ERBB4: variants seen among roughly 807,000 people sequenced by gnomAD.
The protein encoded by ERBB4 is erb-b2 receptor tyrosine kinase 4, also known as receptor tyrosine-protein kinase erbB-4.
In ERBB4, 42 loss-of-function variants were observed where a neutral mutation model predicts 158.0. That is an observed-to-expected ratio of 0.27 (90% CI 0.21 to 0.34). The LOEUF (loss-of-function observed/expected upper bound fraction) is 0.34, where lower values mean the gene tolerates loss of function less well. Ranked by LOEUF, ERBB4 falls within the 10% of genes least tolerant of loss-of-function variation. ERBB4 has a pLI of 1.00. For synonymous variants in ERBB4, 583 were observed against 558.7 expected, an observed-to-expected ratio of 1.04 and a Z score of -0.61; for missense variants, 1,333 against 1,624.1, an observed-to-expected ratio of 0.82 and a Z score of 3.08.
chr2:212,023,485 T>C (rs2076702305), intron 2 of ERBB4, among the ~76,000 whole-genome samples: 2 of 147,442 alleles, frequency 1.4e-5, no homozygotes, highest in African/African-American at 4.9e-5. Context: ...TGTTAAGTAT[T>C]AGATTAATAA....
chr2:212,284,295 T>A (rs184984107), intron 1 of ERBB4, among the ~76,000 whole-genome samples: 1 of 152,212 alleles, frequency 6.6e-6, no homozygotes, highest in African/African-American at 2.4e-5. Context: ...TCTTTGTTGA[T>A]ACTATTTACT....
chr2:212,490,130 G>T (rs1690192420), intron 1 of ERBB4, among the ~76,000 whole-genome samples: 1 of 151,726 alleles, frequency 6.6e-6, no homozygotes, highest in Admixed American at 6.6e-5. Context: ...CTTTGTAAAG[G>T]TTTCTCTTTC....
intron 1 of ERBB4, among the ~76,000 whole-genome samples, chr2:212,366,743 A>G (rs2089904552): frequency 6.6e-6 from 1 of 151,994 alleles, no homozygotes; most frequent in Admixed American, 6.6e-5. Flanking sequence ...TCTGCTTTTA[A>G]CTCTATGGAT....
At chr2:211,706,643 G>C (rs1559440141) in intron 9 of ERBB4, among the ~76,000 whole-genome samples, 1 of 150,716 alleles carries the variant, frequency 6.6e-6, no homozygotes, top group Non-Finnish European at 1.5e-5. Flanking sequence ...GATTAAATTA[G>C]TGTTTCAAAC....
intron 2 of ERBB4, among the ~76,000 whole-genome samples, chr2:212,056,031 A>T (rs1220959152): frequency 6.6e-6 from 1 of 152,222 alleles, no homozygotes; most frequent in Admixed American, 6.5e-5. Context: ...AAACCTTGAA[A>T]AAAGATTAGA....
In ERBB4 at chr2:211,616,156, G is replaced by C. The variant is rs759235262; in HGVS notation, c.2301+3021C>G. Reference sequence around the variant, plus strand: ...CATCCTTGGCTGGAAGGATATGTAGGGGGTGAAGTGTGGCTCTTTCCCAGC... The same window carrying C: ...CATCCTTGGCTGGAAGGATATGTAGCGGGTGAAGTGTGGCTCTTTCCCAGC... On this transcript the variant is annotated intron_variant, in intron 19 of 27. Transcript: ENST00000342788. 3.6e-4 allele frequency among the ~76,000 whole-genome samples: 55 copies of C among 151,940 alleles called. 1 individual carries two copies. Among genetic ancestry groups the C allele is most frequent in the Middle Eastern group, 3.2e-3 (1 of 316 alleles).
At chr2:212,282,859 A>C (rs886415028) in intron 1 of ERBB4, among the ~76,000 whole-genome samples, 1 of 151,910 alleles carries the variant, frequency 6.6e-6, no homozygotes, top group Admixed American at 6.6e-5. Context: ...CAGAAGCAAA[A>C]TGTACCTATT....
intron 3 of ERBB4, among the ~76,000 whole-genome samples, chr2:211,788,411 T>G (rs1301522008): frequency 6.6e-6 from 1 of 152,166 alleles, no homozygotes; most frequent in African/African-American, 2.4e-5. Context: ...CTCCTAACAT[T>G]TTGGTATAAA....
intron 20 of ERBB4, among the ~76,000 whole-genome samples, chr2:211,455,413 GCTCT>G (rs1441822404): frequency 5.9e-5 from 9 of 152,164 alleles, no homozygotes; most frequent in Non-Finnish European, 1.0e-4. Flanking sequence ...GTGCTAAACA[GCTCT>G]CTGAACAGTA....
At chr2:212,081,067 C>G (rs1344845727) in intron 2 of ERBB4, among the ~76,000 whole-genome samples, 2 of 152,160 alleles carry the variant, frequency 1.3e-5, no homozygotes, top group Non-Finnish European at 2.9e-5. Flanking sequence ...AGCACAGAAG[C>G]CCTCACACAA....
At chr2:212,228,010 T>A (rs951622759) in intron 1 of ERBB4, among the ~76,000 whole-genome samples, 1 of 152,162 alleles carries the variant, frequency 6.6e-6, no homozygotes, top group Non-Finnish European at 1.5e-5. Context: ...AATGTTCAGA[T>A]CATGTTACAT....
chr2:211,400,554 T>C lies in ERBB4; in HGVS notation c.3136-12562A>G, dbSNP rs116997186. 2.2e-4 allele frequency among the ~76,000 whole-genome samples: 33 copies of C among 152,088 alleles called. 1 individual carries two copies. The East Asian group carries it at 6.2e-3, about 29-fold the overall frequency. On this transcript the variant is annotated intron_variant, in intron 25 of 27. Transcript: ENST00000342788. ...GACAAACTTTGCATGTTCTCACATATCTGTGGGAGCTAAAAATTAACACAA... is the reference window on the plus strand; with the variant it reads ...GACAAACTTTGCATGTTCTCACATACCTGTGGGAGCTAAAAATTAACACAA...
intron 19 of ERBB4, among the ~76,000 whole-genome samples, chr2:211,609,590 T>C (rs576075332): frequency 6.6e-6 from 1 of 152,198 alleles, no homozygotes; most frequent in Non-Finnish European, 1.5e-5. Flanking sequence ...TCACCCAGGC[T>C]AGAATGCTGC....
chr2:211,512,564 T>A (rs867852757), intron 20 of ERBB4, among the ~76,000 whole-genome samples: 18 of 152,124 alleles, frequency 1.2e-4, no homozygotes, highest in Middle Eastern at 3.4e-3. Flanking sequence ...AAAAAAAAAC[T>A]TTTTGGAACT....
intron 3 of ERBB4, among the ~76,000 whole-genome samples, chr2:211,928,176 A>C (rs1426343160): frequency 6.6e-6 from 1 of 152,166 alleles, no homozygotes; most frequent in East Asian, 1.9e-4. Context: ...TGATTTGTTA[A>C]CTTTCACTGA....
At chr2:212,191,032 G>A (rs1261018530) in intron 1 of ERBB4, among the ~76,000 whole-genome samples, 1 of 150,530 alleles carries the variant, frequency 6.6e-6, no homozygotes, top group Non-Finnish European at 1.5e-5. Context: ...AGCCCTAAGG[G>A]CATTTTTTTT....
chr2:212,012,140 C>T (rs189127184), intron 2 of ERBB4, among the ~76,000 whole-genome samples: 19 of 152,228 alleles, frequency 1.2e-4, no homozygotes, highest in Admixed American at 9.8e-4. Context: ...TATTACTACT[C>T]AAATTGTCTT....
rs2125858115 is a variant in ERBB4 at position 211,623,961 on chromosome 2, T to C, written c.2163A>G (p.Val721=). The change falls in exon 18 of 28, where the codon GTA becomes GTG. Residue 721 remains valine, a synonymous_variant. Transcript: ENST00000342788. ...RILKETELKR[V]KVLGSGAFGT... is the part of the protein sequence containing the mutation. ...CAAAAGCACCTGAGCCAAGGACTTT[T>C]ACCCTCTTCAGCTCAGTTTCTTTCA... is the stretch of plus-strand genomic sequence containing the variant. 2 of 1,614,194 alleles carry C rather than the reference T, an allele frequency of 1.2e-6. No individual in the cohort carries two copies. The highest frequency in any genetic ancestry group is 2.2e-5 in the South Asian group (2 of 91,082).
chr2:212,429,442 T>C (rs2091979891), intron 1 of ERBB4, among the ~76,000 whole-genome samples: 1 of 152,166 alleles, frequency 6.6e-6, no homozygotes, highest in African/African-American at 2.4e-5. Flanking sequence ...TTCAACGGAT[T>C]ATACAAGTGT....
Sources: gnomAD v4.1 joint callset for allele counts (sites outside exome capture counted in the v4.1 genomes callset) on GRCh38, gnomAD v4.1.1 for gene constraint, MANE v1.5 for transcripts, NCBI Gene and HGNC (gene_info 2026-07-23, HGNC 2026-07-21) for gene names.